Variants in BCAT1 observed in about 807,000 individuals in gnomAD.
The protein encoded by BCAT1 is branched chain amino acid transaminase 1.
BCAT1 carries 48 observed loss-of-function variants against 52.4 expected under a neutral mutation model. The ratio of observed to expected loss-of-function variants is 0.92; its 90% CI spans 0.73 to 1.16. The LOEUF is 1.16. BCAT1 is among the 50% of genes most tolerant of loss of function. The pLI is 0.00. For synonymous variants in BCAT1, 167 were observed against 161.3 expected (o/e 1.04, Z -0.27); for missense variants, 451 against 457.1 (o/e 0.99, Z 0.12).
At chr12:24,895,458 G>A (rs954541059) in intron 2 of BCAT1, among the ~76,000 whole-genome samples, 5 of 151,698 alleles carry the variant, frequency 3.3e-5, no homozygotes, top group South Asian at 2.1e-4. Context: ...CCCGGGAGGC[G>A]GAGGTTGCAG....
chr12:24,847,526 A>G (rs1246753076), intron 6 of BCAT1, among the ~76,000 whole-genome samples: 1 of 152,196 alleles, frequency 6.6e-6, no homozygotes, highest in African/African-American at 2.4e-5. Context: ...TAAATGCAGA[A>G]TCAGAATGCA....
chr12:24,891,906 G>A (rs532197974), intron 3 of BCAT1, among the ~76,000 whole-genome samples: 294 of 127,004 alleles, frequency 2.3e-3, no homozygotes, highest in African/African-American at 8.2e-3. Context: ...CTGCCACCAC[G>A]CCCGGCTAAT....
chr12:24,928,694 G>T (rs1171174759), intron 1 of BCAT1, among the ~76,000 whole-genome samples: 2 of 143,694 alleles, frequency 1.4e-5, no homozygotes, highest in Non-Finnish European at 3.0e-5. Context: ...TACACCTTCA[G>T]TGTGAAATGT....
In BCAT1 at chr12:24,810,825, C is replaced by T. The variant is rs1406494086; in HGVS notation, c.*7183G>A. ...AGAAAATGAATACAAAATGTGTGAC[C>T]CTTGGGTAATTCTGCACTTGGCTTT... On this transcript the variant is annotated 3_prime_UTR_variant, in exon 11 of 11. Transcript: ENST00000261192. The T allele has an allele frequency of 6.6e-6, 1 of 152,076 alleles. No homozygotes were observed. The highest frequency in any genetic ancestry group is 1.5e-5 in the Non-Finnish European group (1 of 68,000). The allele number at this position is 152,076 out of a possible 1,614,324, so 9.4% of individuals were successfully genotyped here. A position where few individuals can be genotyped will look rare whatever the true frequency, so the allele number is the denominator to read the frequency against.
chr12:24,866,108 T>A (rs906875941), intron 5 of BCAT1, among the ~76,000 whole-genome samples: 34 of 152,308 alleles, frequency 2.2e-4, no homozygotes, highest in African/African-American at 7.2e-4. Context: ...GGGCTGCGCA[T>A]GGTGCTTGTG....
chr12:24,919,363 G>A (rs1943468836), intron 1 of BCAT1, among the ~76,000 whole-genome samples: 3 of 152,204 alleles, frequency 2.0e-5, no homozygotes, highest in Admixed American at 2.0e-4. Context: ...GAGCTCATTA[G>A]AAGATTTTGT....
intron 1 of BCAT1, among the ~76,000 whole-genome samples, chr12:24,933,663 C>A (rs985191098): frequency 6.6e-6 from 1 of 151,810 alleles, no homozygotes; most frequent in South Asian, 2.1e-4. Flanking sequence ...GGGTATATAC[C>A]CCAGGTTCAT....
intron 1 of BCAT1, among the ~76,000 whole-genome samples, chr12:24,913,703 T>C (rs527916924): frequency 6.6e-6 from 1 of 152,190 alleles, no homozygotes; most frequent in Non-Finnish European, 1.5e-5. Flanking sequence ...AGGTATGGTC[T>C]AATGCTAATA....
At chr12:24,908,610 A>G (rs1020318577) in intron 1 of BCAT1, among the ~76,000 whole-genome samples, 2 of 152,084 alleles carry the variant, frequency 1.3e-5, no homozygotes, top group African/African-American at 2.4e-5. Context: ...GCGTGGTGCC[A>G]TACACCTGTG....
chr12:24,882,535 A>G (rs1369826465), intron 3 of BCAT1, among the ~76,000 whole-genome samples: 2 of 152,308 alleles, frequency 1.3e-5, no homozygotes, highest in East Asian at 3.9e-4. Flanking sequence ...CTCAGCTGAC[A>G]ATATCTGAAT....
chr12:24,843,681 T>C (rs1317983335), intron 6 of BCAT1, among the ~76,000 whole-genome samples: 1 of 152,142 alleles, frequency 6.6e-6, no homozygotes. Flanking sequence ...TTCCATACTC[T>C]TATAAAAACA....
At chr12:24,835,290 T>G (rs1318410909) in intron 8 of BCAT1, among the ~76,000 whole-genome samples, 1 of 152,214 alleles carries the variant, frequency 6.6e-6, no homozygotes, top group Non-Finnish European at 1.5e-5. Flanking sequence ...TTATAGCACA[T>G]TTCATCTATT....
At chr12:24,833,589 TATA>T (rs1940783372) in intron 8 of BCAT1, among the ~76,000 whole-genome samples, 1 of 152,114 alleles carries the variant, frequency 6.6e-6, no homozygotes, top group Admixed American at 6.6e-5. Context: ...CAATGTATTA[TATA>T]ATATTAATAA....
intron 1 of BCAT1, among the ~76,000 whole-genome samples, chr12:24,937,749 C>T (rs565873956): frequency 5.7e-4 from 87 of 152,192 alleles, no homozygotes; most frequent in African/African-American, 2.0e-3. Context: ...CAAATTGTGT[C>T]TGGGAAACAA....
Position 24,911,629 on chromosome 12 carries a change from GCAGA to G in BCAT1, c.7-9748_7-9745del, listed in dbSNP as rs547675193. On this transcript the variant is annotated intron_variant, in intron 1 of 10. Coordinates refer to ENST00000261192, the MANE Select transcript of BCAT1 (RefSeq NM_005504.7). ...CACCACGATGAAACTCACTCTGCGA[GCAGA>G]CAAAGTGCAAATTCCTGAGCTTAGT... 5.1e-3 allele frequency among the ~76,000 whole-genome samples: 782 copies of G among 152,312 alleles called. 9 individuals are homozygous for G. The highest frequency in any genetic ancestry group is 0.018 in the African/African-American group (737 of 41,566).
At chr12:24,903,073 A>T in intron 1 of BCAT1, 1 of 1,389,044 alleles carries the variant, frequency 7.2e-7, no homozygotes, top group Non-Finnish European at 9.3e-7. Flanking sequence ...GGTGTGGCCA[A>T]GCCCCGGCGC....
At chr12:24,906,362 A>G (rs60558352) in intron 1 of BCAT1, among the ~76,000 whole-genome samples, 16,760 of 152,028 alleles carry the variant, frequency 0.11, 1,014 homozygotes, top group Middle Eastern at 0.16. Flanking sequence ...TTTGGGACCT[A>G]TGATTTCTGA....
intron 10 of BCAT1, among the ~76,000 whole-genome samples, chr12:24,819,218 C>G (rs1297472001): frequency 6.6e-6 from 1 of 152,056 alleles, no homozygotes. Context: ...TGACTTGGAA[C>G]AGATCTTTCC....
intron 1 of BCAT1, among the ~76,000 whole-genome samples, chr12:24,925,065 A>G (rs532597526): frequency 1.3e-5 from 2 of 152,312 alleles, no homozygotes; most frequent in African/African-American, 2.4e-5. Context: ...ATAGTGCCCA[A>G]TTGCTTAGAC....
Sources: gnomAD v4.1 joint callset for allele counts (sites outside exome capture counted in the v4.1 genomes callset) on GRCh38, gnomAD v4.1.1 for gene constraint, MANE v1.5 for transcripts, NCBI Gene and HGNC (gene_info 2026-07-23, HGNC 2026-07-21) for gene names.